DPP10: variants seen among roughly 807,000 people sequenced by gnomAD.
The protein encoded by DPP10 is inactive dipeptidyl peptidase 10.
DPP10 carries 33 observed loss-of-function variants against 120.9 expected under a neutral mutation model. The observed-to-expected ratio is 0.27, with a 90% CI of 0.21 to 0.37. DPP10 has a LOEUF of 0.37. Among genes scored for constraint, DPP10 ranks in the 10% least tolerant of loss-of-function variants. The pLI, the probability that DPP10 is intolerant of heterozygous loss-of-function variation, is 1.00. For synonymous variants in DPP10, 337 were observed against 326.1 expected, an observed-to-expected ratio of 1.03 and a Z score of -0.36; for missense variants, 816 against 942.8, an observed-to-expected ratio of 0.87 and a Z score of 1.76.
intron 1 of DPP10, among the ~76,000 whole-genome samples, chr2:114,743,523 T>C (rs1466279169): frequency 6.6e-6 from 1 of 152,142 alleles, no homozygotes; most frequent in East Asian, 1.9e-4. Context: ...TTACAACCTC[T>C]ATAAGTGAAA....
intron 1 of DPP10, among the ~76,000 whole-genome samples, chr2:114,705,485 C>T (rs943733760): frequency 1.3e-5 from 2 of 151,946 alleles, no homozygotes; most frequent in East Asian, 3.9e-4. Context: ...TTAACTTTTC[C>T]ATAAAGAATT....
intron 5 of DPP10, among the ~76,000 whole-genome samples, chr2:115,680,488 G>A (rs990628719): frequency 1.3e-5 from 2 of 151,832 alleles, no homozygotes; most frequent in African/African-American, 4.8e-5. Flanking sequence ...ACAAATTACA[G>A]AACAAATTGC....
intron 1 of DPP10, among the ~76,000 whole-genome samples, chr2:114,730,767 T>C (rs1346130761): frequency 6.6e-6 from 1 of 152,070 alleles, no homozygotes; most frequent in Non-Finnish European, 1.5e-5. Flanking sequence ...CTAATTTTTG[T>C]ATTTTTAATA....
intron 1 of DPP10, among the ~76,000 whole-genome samples, chr2:114,533,740 G>T (rs1434194589): frequency 6.6e-6 from 1 of 152,122 alleles, no homozygotes; most frequent in East Asian, 1.9e-4. Context: ...TAGACTTTTA[G>T]ATCAGAAATA....
chr2:114,696,739 G>A (rs981801), intron 1 of DPP10, among the ~76,000 whole-genome samples: 4 of 151,616 alleles, frequency 2.6e-5, no homozygotes, highest in Admixed American at 6.6e-5. Context: ...GTGTGCGCGC[G>A]TGCCATAAAG....
chr2:115,565,769 G>GTTTTTTTTTTTTTTTTTTTTTTT, intron 5 of DPP10, among the ~76,000 whole-genome samples: 1 of 136,226 alleles, frequency 7.3e-6, no homozygotes. Flanking sequence ...TGTTTGTTTT[G>GTTTTTTTTTTTTTTTTTTTTTTT]TTTTTTTTTG....
At chr2:114,793,026 GTGTGTT>G (rs1432240786) in intron 1 of DPP10, among the ~76,000 whole-genome samples, 1 of 128,626 alleles carries the variant, frequency 7.8e-6, no homozygotes, top group Admixed American at 8.3e-5. Context: ...GTGTGTGTGT[GTGTGTT>G]TCTATTAATA....
At chr2:115,753,067 T>A in intron 10 of DPP10, 107 bp from the exon 11 acceptor site, 1 of 1,021,982 alleles carries the variant, frequency 9.8e-7, no homozygotes. Flanking sequence ...AGCAACATCC[T>A]TATAGTGGTT....
At chr2:114,860,610 T>C (rs1403779604) in intron 1 of DPP10, among the ~76,000 whole-genome samples, 3 of 152,214 alleles carry the variant, frequency 2.0e-5, no homozygotes, top group Non-Finnish European at 4.4e-5. Context: ...ACTTTTTCAC[T>C]TAAAAAAGCT....
intron 1 of DPP10, among the ~76,000 whole-genome samples, chr2:114,609,486 G>A (rs1238696961): frequency 6.6e-6 from 1 of 152,150 alleles, no homozygotes; most frequent in Non-Finnish European, 1.5e-5. Context: ...TGTGAAGTGG[G>A]TCTGACCCCA....
intron 1 of DPP10, among the ~76,000 whole-genome samples, chr2:115,083,579 T>C: frequency 6.6e-6 from 1 of 152,234 alleles, no homozygotes; most frequent in Non-Finnish European, 1.5e-5. Flanking sequence ...CTCTCTCTTT[T>C]GAAACATTAT....
chr2:115,379,469 G>C (rs1454685713), intron 3 of DPP10, among the ~76,000 whole-genome samples: 1 of 152,072 alleles, frequency 6.6e-6, no homozygotes, highest in Non-Finnish European at 1.5e-5. Context: ...CTTGCTAGCG[G>C]TCTGTCAATT....
intron 1 of DPP10, among the ~76,000 whole-genome samples, chr2:115,032,840 G>A (rs529642531): frequency 1.2e-4 from 18 of 149,898 alleles, no homozygotes; most frequent in Admixed American, 4.0e-4. Context: ...AGCTGAGATC[G>A]CGCCATTGTA....
At chr2:115,067,690 C>T (rs1179412688) in intron 1 of DPP10, among the ~76,000 whole-genome samples, 4 of 147,620 alleles carry the variant, frequency 2.7e-5, no homozygotes, top group South Asian at 4.3e-4. Context: ...GGTGAAACCC[C>T]GTCTCTACTA....
intron 1 of DPP10, among the ~76,000 whole-genome samples, chr2:115,226,484 G>A (rs1350823835): frequency 1.3e-5 from 2 of 152,148 alleles, no homozygotes; most frequent in South Asian, 2.1e-4. Context: ...TTGAGACATA[G>A]TAAACTCATA....
At chr2:114,522,422 A>G (rs1022425813) in intron 1 of DPP10, among the ~76,000 whole-genome samples, 78 of 152,242 alleles carry the variant, frequency 5.1e-4, no homozygotes, top group Non-Finnish European at 1.0e-3. Context: ...ACCTAACCAT[A>G]GAAGATAAAT....
At chr2:114,823,265 A>G (rs534232698) in intron 1 of DPP10, among the ~76,000 whole-genome samples, 6 of 152,236 alleles carry the variant, frequency 3.9e-5, no homozygotes, top group Non-Finnish European at 5.9e-5. Flanking sequence ...ATGAGTGCCA[A>G]ACAAAACGGG....
chr2:114,992,462 T>C lies in DPP10; in HGVS notation c.61-316777T>C, dbSNP rs554762182. ...CAGCTTCAGGATCCAATCCAAGTCC[T>C]GCTTTATGCCAGTCTGGTGTTTAAC... On this transcript the variant is annotated intron_variant, in intron 1 of 25. Coordinates refer to ENST00000410059, the MANE Select transcript of DPP10 (RefSeq NM_020868.6). Among the ~76,000 whole-genome samples the C allele has an allele frequency of 2.6e-5, 4 of 152,324 alleles. No homozygotes were observed. In the South Asian group the frequency reaches 8.3e-4, roughly 32 times the overall value.
Position 115,202,486 on chromosome 2 carries a change from CT to C in DPP10, c.61-106750del, listed in dbSNP as rs1274239833. 2.6e-5 allele frequency among the ~76,000 whole-genome samples: 4 copies of C among 152,232 alleles called. No individual in the cohort carries two copies. In the East Asian group the frequency reaches 7.7e-4, roughly 29 times the overall value. Reference sequence around the variant, plus strand: ...AGAATTTTCTCTTTTAATTGGACAGCTTTGGTCTAAATACTTCCAGTGGACC... The same window carrying C: ...AGAATTTTCTCTTTTAATTGGACAGCTTGGTCTAAATACTTCCAGTGGACC... On this transcript the variant is annotated intron_variant, in intron 1 of 25. Transcript: ENST00000410059.
Sources: allele counts gnomAD v4.1 joint callset (sites outside exome capture counted in the v4.1 genomes callset), GRCh38; gene constraint gnomAD v4.1.1; transcripts MANE v1.5; gene names NCBI Gene and HGNC (gene_info 2026-07-23, HGNC 2026-07-21).